HERC1: variants seen among roughly 807,000 people sequenced by gnomAD.
HERC1 encodes the protein HECT and RLD domain containing E3 ubiquitin protein ligase family member 1.
A neutral mutation model predicts 554.3 loss-of-function variants in HERC1; 160 were observed. The observed-to-expected ratio is 0.29, with a 90% CI of 0.25 to 0.33. The LOEUF (loss-of-function observed/expected upper bound fraction) is 0.33. HERC1 is among the 10% of genes least tolerant of loss of function. The pLI is 1.00. For synonymous variants in HERC1, 2,175 were observed against 2,131.7 expected, an observed-to-expected ratio of 1.02 and a Z score of -0.56; for missense variants, 4,919 against 5,918.5, an observed-to-expected ratio of 0.83 and a Z score of 5.54.
intron 49 of HERC1, 41 bp from the exon 50 acceptor site, chr15:63,655,996 T>C: frequency 6.3e-7 from 1 of 1,592,726 alleles, no homozygotes; most frequent in Non-Finnish European, 8.6e-7. Context: ...TTTTTACATG[T>C]AATTTTGGAA....
chr15:63,810,457 T>C (rs1169999615), intron 1 of HERC1, among the ~76,000 whole-genome samples: 1 of 152,158 alleles, frequency 6.6e-6, no homozygotes, highest in Non-Finnish European at 1.5e-5. Context: ...ATGAATGCAT[T>C]ACTAGAGTGG....
chr15:63,623,170 A>G (rs1490089064), intron 73 of HERC1, among the ~76,000 whole-genome samples: 1 of 152,194 alleles, frequency 6.6e-6, no homozygotes, highest in East Asian at 1.9e-4. Flanking sequence ...GTGATGTTCA[A>G]ATCGAATCAG....
In HERC1 at chr15:63,622,840, C is replaced by A. The variant is rs369983037; in HGVS notation, c.13663G>T (p.Ala4555Ser). Residue 4555 changes from alanine to serine, a missense_variant, in exon 74 of 78, where the codon GCA becomes TCA. Physicochemically the swap from Ala to Ser is moderately conservative, Grantham distance 99. Transcript: ENST00000443617. ...DLLIPSPNAT[A>S]EVGYNRDRFL... is the part of the protein sequence containing the mutation. ...CTGTCCCTATTGTAACCCACTTCTG[C>A]GGTGGCATTGGGAGAGGGTATAAGA... 37 of 1,606,924 alleles carry A rather than the reference C, an allele frequency of 2.3e-5. No individual in the cohort carries two copies. Among genetic ancestry groups the A allele is most frequent in the Non-Finnish European group, 3.1e-5 (37 of 1,177,110 alleles).
chr15:63,833,054 G>C (rs995678149), intron 1 of HERC1, among the ~76,000 whole-genome samples: 1 of 152,134 alleles, frequency 6.6e-6, no homozygotes, highest in Admixed American at 6.5e-5. Context: ...CCTGGGAGAG[G>C]TGGTACAAGC....
At position 63,664,531 on chromosome 15, in the gene HERC1, G is replaced by A. The variant is rs757639946; in HGVS notation, c.8619C>T (p.Arg2873=). Residue 2873 remains arginine, a synonymous_variant, in exon 43 of 78, where the codon CGC becomes CGT. Transcript: ENST00000443617. ...ACTTGTGTCTTCTTGTTACCGCTGA[G>A]CGACCTCTAGCTGATGGTCCACTTC... The part of the protein sequence containing the change: ...ASGSGPSARG[R]SAVTRRHKFD... The A allele has an allele frequency of 2.5e-6, 4 of 1,613,710 alleles. No homozygotes were observed. The highest frequency in any genetic ancestry group is 3.4e-6 in the Non-Finnish European group (4 of 1,179,676).
At chr15:63,660,031 A>G in intron 46 of HERC1, 95 bp from the exon 47 acceptor site, 1 of 1,023,990 alleles carries the variant, frequency 9.8e-7, no homozygotes, top group Non-Finnish European at 1.5e-6. Context: ...TAAAATGCAG[A>G]TGAGCAGCCA....
intron 1 of HERC1, among the ~76,000 whole-genome samples, chr15:63,799,501 A>G (rs114465843): frequency 0.013 from 1,822 of 143,966 alleles, 38 homozygotes; most frequent in African/African-American, 0.044. Context: ...CTCTGCCTCT[A>G]AAAAAAAAAA....
At chr15:63,803,945 C>A (rs777503157) in intron 1 of HERC1, among the ~76,000 whole-genome samples, 13 of 152,110 alleles carry the variant, frequency 8.5e-5, no homozygotes, top group Non-Finnish European at 1.3e-4. Flanking sequence ...CAAGATAGAT[C>A]AACAGAACAG....
In HERC1 at chr15:63,774,862, C is replaced by T; in HGVS notation, c.762G>A (p.Leu254=). 1 of 1,613,994 alleles carries T rather than the reference C, an allele frequency of 6.2e-7. No individual in the cohort carries two copies. Among genetic ancestry groups the T allele is most frequent in the Non-Finnish European group, 8.5e-7 (1 of 1,179,898 alleles). Residue 254 remains leucine, a synonymous_variant, in exon 2 of 78, where the codon TTG becomes TTA. Transcript: ENST00000443617. ...RRLASELLLG[L]AAQRGSLRYL... is the part of the protein sequence containing the mutation. ...ATCGCAATGAGCCTCGTTGAGCTGC[C>T]AAACCAAGCAGCAACTCAGAAGCTA...
At position 63,749,247 on chromosome 15, in the gene HERC1, T is replaced by C. The variant is rs2075159938; in HGVS notation, c.2219+120A>G. Reference sequence around the variant, plus strand: ...ATGATAGAGAAAAAGCAATACTATATATGTTCAGAAGAGTATTTTATGAAC... The same window carrying C: ...ATGATAGAGAAAAAGCAATACTATACATGTTCAGAAGAGTATTTTATGAAC... On this transcript the variant is annotated intron_variant, in intron 10 of 77. Coordinates refer to ENST00000443617, the MANE Select transcript of HERC1 (RefSeq NM_003922.4). This position sits in a 1 kb window ranked among gnomAD's most constrained non-coding sequence, Gnocchi z 4.1. The C allele has an allele frequency of 1.4e-6, 1 of 740,050 alleles. No individual in the cohort carries two copies. The highest frequency in any genetic ancestry group is 1.8e-5 in the African/African-American group (1 of 55,748). The allele number at this position is 740,050 out of a possible 1,614,324, so 45.8% of individuals were successfully genotyped here. A position where few individuals can be genotyped will look rare whatever the true frequency, so the allele number is the denominator to read the frequency against.
In HERC1 at chr15:63,628,189, G is replaced by C. The variant is rs141232437; in HGVS notation, c.13105+488C>G. ...GCGGATCACTGGAGGTCAGGAATTT[G>C]AGACCAGCCTGGCCAACATGGCGAA... On this transcript the variant is annotated intron_variant, in intron 70 of 77. Transcript: ENST00000443617. Among the ~76,000 whole-genome samples, 1,059 of 152,162 alleles carry C rather than the reference G, an allele frequency of 7.0e-3. 14 individuals carry two copies. Among genetic ancestry groups the C allele is most frequent in the African/African-American group, 0.025 (1,019 of 41,488 alleles).
chr15:63,638,323 G>A (rs2068877623), intron 63 of HERC1, 88 bp downstream of exon 63: 1 of 1,332,738 alleles, frequency 7.5e-7, no homozygotes, highest in African/African-American at 1.5e-5. Context: ...TTATGAAATG[G>A]ACAAGCTTTA....
intron 1 of HERC1, among the ~76,000 whole-genome samples, chr15:63,805,712 T>A (rs1596299483): frequency 1.3e-5 from 2 of 152,290 alleles, no homozygotes; most frequent in Non-Finnish European, 2.9e-5. Flanking sequence ...TTTTGGAGGC[T>A]GAGGCAGGAG....
intron 25 of HERC1, among the ~76,000 whole-genome samples, chr15:63,705,342 C>G (rs2153091327): frequency 6.6e-6 from 1 of 151,738 alleles, no homozygotes; most frequent in Non-Finnish European, 1.5e-5. Flanking sequence ...TTGGCAGAGA[C>G]AGGGGTCTCA....
chr15:63,622,031 G>A (rs895757395), intron 74 of HERC1, among the ~76,000 whole-genome samples: 3 of 152,186 alleles, frequency 2.0e-5, no homozygotes, highest in Non-Finnish European at 4.4e-5. Flanking sequence ...CGTTGCTGGT[G>A]AGGAGCTGCG....
intron 55 of HERC1, among the ~76,000 whole-genome samples, chr15:63,646,254 T>TA (rs1056383054): frequency 5.3e-5 from 8 of 152,106 alleles, no homozygotes; most frequent in Non-Finnish European, 7.4e-5. Flanking sequence ...CTGTTTAAGG[T>TA]AAAAAAATCA....
chr15:63,813,009 G>A (rs935661279), intron 1 of HERC1, among the ~76,000 whole-genome samples: 2 of 152,120 alleles, frequency 1.3e-5, no homozygotes, highest in Non-Finnish European at 2.9e-5. Flanking sequence ...TAAGGAACTA[G>A]AATAGCTAAA....
chr15:63,801,467 C>CA (rs952933901), intron 1 of HERC1, among the ~76,000 whole-genome samples: 2 of 152,142 alleles, frequency 1.3e-5, no homozygotes, highest in East Asian at 1.9e-4. Context: ...TTGGTGTACG[C>CA]AAAAAACTCA....
chr15:63,706,714 T>C, intron 25 of HERC1, 66 bp downstream of exon 25: 1 of 757,310 alleles, frequency 1.3e-6, no homozygotes, highest in Admixed American at 3.5e-5. Context: ...TTTACTATGC[T>C]CTTTTTTTTT....
Sources: allele counts gnomAD v4.1 joint callset (sites outside exome capture counted in the v4.1 genomes callset), GRCh38; gene constraint gnomAD v4.1.1; non-coding constraint Gnocchi (gnomAD v3.1); transcripts MANE v1.5; gene names NCBI Gene and HGNC (gene_info 2026-07-23, HGNC 2026-07-21).